The following DNPEP variants were observed in gnomAD, a reference collection of about 807,000 sequenced individuals.
DNPEP encodes aspartyl aminopeptidase.
Under a neutral mutation model 59.1 loss-of-function variants are expected in DNPEP, and 46 were observed. The observed-to-expected ratio is 0.78, with a 90% confidence interval of 0.61 to 0.99. The LOEUF (loss-of-function observed/expected upper bound fraction) is 0.99. DNPEP is among the 50% of genes least tolerant of loss of function. The probability of loss-of-function intolerance (pLI) is 0.00; values close to 1 mark genes in which losing one functional copy is unlikely to be tolerated. For synonymous variants in DNPEP, 229 were observed against 242.2 expected (o/e 0.95, Z 0.50); for missense variants, 617 against 649.9 (o/e 0.95, Z 0.55).
At chr2:219,396,764 C>T (rs989921962) in intron 1 of DNPEP, among the ~76,000 whole-genome samples, 4 of 152,142 alleles carry the variant, frequency 2.6e-5, no homozygotes, top group Non-Finnish European at 4.4e-5. Flanking sequence ...ACACATTTTA[C>T]CTGTGTCACT....
intron 1 of DNPEP, among the ~76,000 whole-genome samples, chr2:219,397,643 A>C (rs1954120604): frequency 6.6e-6 from 1 of 152,230 alleles, no homozygotes. Context: ...TTCAGAAGAG[A>C]TATCTGGGCT....
At position 219,387,053 on chromosome 2, in the gene DNPEP, C is replaced by A; in HGVS notation, c.130+17G>T. 1 of 1,610,098 alleles carries A rather than the reference C, an allele frequency of 6.2e-7. No homozygotes were observed. Among genetic ancestry groups the A allele is most frequent in the Admixed American group, 1.7e-5 (1 of 59,362 alleles). The stretch of plus-strand genomic sequence containing the variant: ...CATCAGCCTCCACCCTCCTCCCTTG[C>A]CCTGGCCACCGCTTACCATGGAAAG... On this transcript the variant is annotated intron_variant, in intron 2 of 14. Coordinates refer to ENST00000273075, the MANE Select transcript of DNPEP (RefSeq NM_012100.4).
chr2:219,386,217 C>G, intron 5 of DNPEP, 69 bp downstream of exon 5: 2 of 1,611,224 alleles, frequency 1.2e-6, no homozygotes, highest in Non-Finnish European at 1.7e-6. Context: ...CTCTTCCCCA[C>G]GGGTACCCTG....
chr2:219,390,969 A>G (rs1451332611), upstream of DNPEP, among the ~76,000 whole-genome samples: 1 of 152,180 alleles, frequency 6.6e-6, no homozygotes, highest in Non-Finnish European at 1.5e-5. Context: ...GGCTAAAGCA[A>G]CTCCATCTGG....
intron 1 of DNPEP, among the ~76,000 whole-genome samples, chr2:219,398,166 G>T (rs750641581): frequency 3.3e-5 from 5 of 152,200 alleles, no homozygotes; most frequent in Non-Finnish European, 5.9e-5. Flanking sequence ...TGCACGTAGG[G>T]TGCTCATCAC....
At position 219,383,234 on chromosome 2, in the gene DNPEP, G is replaced by A. The variant is rs1447571645; in HGVS notation, c.853-20C>T. ...CAAGGCCTGGTTCAGGGAAGGAAAT[G>A]AGAGCATCATCTCCAACCTGCTTCT... On this transcript the variant is annotated intron_variant, in intron 9 of 14. Coordinates refer to ENST00000273075, the MANE Select transcript of DNPEP (RefSeq NM_012100.4). 3 of 1,610,938 alleles carry A rather than the reference G, an allele frequency of 1.9e-6. No individual in the cohort carries two copies. The highest frequency in any genetic ancestry group is 1.3e-5 in the African/African-American group (1 of 74,886).
upstream of DNPEP, among the ~76,000 whole-genome samples, chr2:219,392,753 A>C (rs1954038523): frequency 6.6e-6 from 1 of 152,050 alleles, no homozygotes. Context: ...CAGGTGATCC[A>C]CCCACCTTGG....
Position 219,373,788 on chromosome 2 carries a change from C to G in DNPEP, c.*504G>C. On this transcript the variant is annotated 3_prime_UTR_variant, in exon 15 of 15. Coordinates refer to ENST00000273075, the MANE Select transcript of DNPEP (RefSeq NM_012100.4). ...AGGGTGATAAGGTATAGACTGTGCCCTTCTCTTTGCAGCTCCTGAGAGGGG... is the reference window on the plus strand; with the variant it reads ...AGGGTGATAAGGTATAGACTGTGCCGTTCTCTTTGCAGCTCCTGAGAGGGG... 1 of 160,894 alleles carries G rather than the reference C, an allele frequency of 6.2e-6. No homozygotes were observed. The highest frequency in any genetic ancestry group is 1.9e-4 in the South Asian group (1 of 5,354). 10.0% of individuals were successfully genotyped at this position (160,894 alleles called of 1,614,324 possible).
chr2:219,386,067 A>AGAT lies in DNPEP; in HGVS notation c.490_491insATC (p.Gln163_Leu164insHis), dbSNP rs1953813403. On this transcript the variant is annotated inframe_insertion, in exon 6 of 15. Transcript: ENST00000273075. ...AAGAATGGGCCGCTCCACGTGCACC[A>AGAT]GCTGCTGCTCCAGCCGACCTGAGGT... The AGAT allele has an allele frequency of 1.9e-6, 3 of 1,614,008 alleles. No individual in the cohort carries two copies. The Admixed American group carries it at 5.0e-5, about 27-fold the overall frequency.
chr2:219,383,333 CCCTGTCTG>C, intron 9 of DNPEP, 119 bp from the exon 10 acceptor site: 1 of 767,692 alleles, frequency 1.3e-6, no homozygotes, highest in Non-Finnish European at 2.2e-6. Flanking sequence ...GTGCACATTC[CCCTGTCTG>C]CCTTCCATGG....
intron 7 of DNPEP, 41 bp from the exon 8 acceptor site, chr2:219,385,572 C>T: frequency 6.2e-7 from 1 of 1,608,514 alleles, no homozygotes; most frequent in Non-Finnish European, 8.5e-7. Flanking sequence ...CATTCCTCCT[C>T]TCCTCCCCAC....
At chr2:219,377,276 T>TAA (rs747800733) in intron 13 of DNPEP, among the ~76,000 whole-genome samples, 7 of 2,138 alleles carry the variant, frequency 3.3e-3, no homozygotes, top group Non-Finnish European at 7.8e-3. Context: ...TCTCACTCTG[T>TAA]CAAAAAAAAA....
chr2:219,387,690 T>C (rs757046237), intron 1 of DNPEP, 69 bp downstream of exon 1: 1 of 1,600,516 alleles, frequency 6.2e-7, no homozygotes, highest in East Asian at 2.3e-5. Flanking sequence ...CGCGCTAAGC[T>C]TGGGCCCCGG....
At chr2:219,383,026 T>C (rs771660992) in intron 10 of DNPEP, 105 bp downstream of exon 10, 13 of 1,003,304 alleles carry the variant, frequency 1.3e-5, no homozygotes, top group Admixed American at 2.0e-5. Context: ...ATCTCCCCTG[T>C]CTTGGGGCCC....
chr2:219,387,771 G>A lies in DNPEP; in HGVS notation c.24C>T (p.Arg8=). 6.2e-7 allele frequency: 1 copy of A among 1,604,468 alleles called. No homozygotes were observed. Residue 8 remains arginine, a synonymous_variant, in exon 1 of 15, where the codon CGC becomes CGT. Transcript: ENST00000273075. MSGHSPT[R]GAMQVAMNGK... Reference sequence around the variant, plus strand: ...GGGAGCCACTTACCTGCATGGCCCCGCGCGTGGGGCTGTGTCCGCTCATCT... The same window carrying A: ...GGGAGCCACTTACCTGCATGGCCCCACGCGTGGGGCTGTGTCCGCTCATCT...
intron 10 of DNPEP, 44 bp from the exon 11 acceptor site, chr2:219,382,183 G>C: frequency 6.3e-7 from 1 of 1,583,468 alleles, no homozygotes; most frequent in South Asian, 1.1e-5. Flanking sequence ...GGGCTTAGGG[G>C]CCTGATCTTG....
chr2:219,385,749 C>G, intron 6 of DNPEP, 43 bp from the exon 7 acceptor site: 1 of 1,532,698 alleles, frequency 6.5e-7, no homozygotes, highest in Non-Finnish European at 8.9e-7. Context: ...GAGGAGGGCA[C>G]AGCTGAGTGC....
intron 11 of DNPEP, 119 bp from the exon 12 acceptor site, chr2:219,381,703 G>A: frequency 8.4e-7 from 1 of 1,190,442 alleles, no homozygotes; most frequent in South Asian, 1.2e-5. Context: ...AGCCCAGTGG[G>A]ACTTCAGAGT....
chr2:219,373,102 C>T lies in DNPEP; in HGVS notation c.*1190G>A, dbSNP rs1953242656. On this transcript the variant is annotated 3_prime_UTR_variant, in exon 15 of 15. Coordinates refer to ENST00000273075, the MANE Select transcript of DNPEP (RefSeq NM_012100.4). ...TTTTTTTTTTTGAGAGAGTTTCACC[C>T]TTGTTGCCCAGGCTAGAGTGCAATG... Among the ~76,000 whole-genome samples the T allele has an allele frequency of 6.6e-6, 1 of 151,482 alleles. No homozygotes were observed. The highest frequency in any genetic ancestry group is 1.9e-4 in the East Asian group (1 of 5,160).
Sources: allele counts gnomAD v4.1 joint callset (sites outside exome capture counted in the v4.1 genomes callset), GRCh38; gene constraint gnomAD v4.1.1; transcripts MANE v1.5; gene names NCBI Gene and HGNC (gene_info 2026-07-23, HGNC 2026-07-21).